Variants in DNAAF11 observed in about 807,000 individuals in gnomAD.
The protein encoded by DNAAF11 is dynein axonemal assembly factor 11, also known as leucine rich repeat containing 6.
In DNAAF11, 45 loss-of-function variants were observed where a neutral mutation model predicts 60.8. That is an observed-to-expected ratio of 0.74 (90% CI 0.58 to 0.95). DNAAF11 has a LOEUF of 0.95. DNAAF11 is among the 40% of genes least tolerant of loss of function. The probability of loss-of-function intolerance (pLI) is 0.00; values close to 1 mark genes in which losing one functional copy is unlikely to be tolerated. For missense variants in DNAAF11, 546 were observed against 546.2 expected, an observed-to-expected ratio of 1.00 and a Z score of 0.00; for synonymous variants, 191 against 183.5, an observed-to-expected ratio of 1.04 and a Z score of -0.33.
At chr8:132,577,402 T>C (rs1156267228) in intron 11 of DNAAF11, among the ~76,000 whole-genome samples, 1 of 152,240 alleles carries the variant, frequency 6.6e-6, no homozygotes, top group African/African-American at 2.4e-5. Flanking sequence ...ATTCTATTAC[T>C]CGTAGCCAAA....
chr8:132,614,450 G>T (rs1818954065), intron 8 of DNAAF11, among the ~76,000 whole-genome samples: 1 of 152,182 alleles, frequency 6.6e-6, no homozygotes, highest in African/African-American at 2.4e-5. Flanking sequence ...AGAGAAGAAG[G>T]GGATACAGGC....
chr8:132,622,166 G>T (rs2130261902), intron 7 of DNAAF11, among the ~76,000 whole-genome samples: 1 of 152,272 alleles, frequency 6.6e-6, no homozygotes, highest in South Asian at 2.1e-4. Context: ...TTCATTGAGG[G>T]TATTATATTG....
At chr8:132,640,900 A>G (rs925610739) in intron 3 of DNAAF11, among the ~76,000 whole-genome samples, 5 of 152,316 alleles carry the variant, frequency 3.3e-5, no homozygotes, top group Admixed American at 6.5e-5. Flanking sequence ...AGATAAGAAC[A>G]TTTTAAAACA....
At position 132,625,410 on chromosome 8, in the gene DNAAF11, T is replaced by C. The variant is rs775429174; in HGVS notation, c.698A>G (p.Glu233Gly). Residue 233 changes from glutamate (E) to glycine (G), a missense_variant, in exon 6 of 12, where the codon GAG becomes GGG. Physicochemically the swap from Glu to Gly is moderately conservative, Grantham distance 98. Transcript: ENST00000620350. ...SKDHLQAPDTEEHNTKKLDNS... is the reference protein window; with the variant it reads ...SKDHLQAPDTGEHNTKKLDNS... ...GTCTAATTTCTTTGTGTTGTGTTCC[T>C]CTGTGTCTGGTGCCTGTAGGTGGTC... 1.2e-6 allele frequency: 2 copies of C among 1,613,388 alleles called. No homozygotes were observed. The highest frequency in any genetic ancestry group is 2.7e-5 in the African/African-American group (2 of 75,024).
At chr8:132,675,432 G>C in intron 1 of DNAAF11, 52 bp downstream of exon 1, 1 of 1,545,076 alleles carries the variant, frequency 6.5e-7, no homozygotes, top group Non-Finnish European at 8.8e-7. Context: ...CGAGACCCGG[G>C]ACTACTTCCA....
chr8:132,617,306 CA>C (rs1819267459), intron 7 of DNAAF11, among the ~76,000 whole-genome samples: 1 of 151,942 alleles, frequency 6.6e-6, no homozygotes, highest in Non-Finnish European at 1.5e-5. Flanking sequence ...AAAACAAAAT[CA>C]AAAGGATCTG....
chr8:132,592,623 T>A (rs1208676028), intron 10 of DNAAF11, among the ~76,000 whole-genome samples: 1 of 152,158 alleles, frequency 6.6e-6, no homozygotes, highest in African/African-American at 2.4e-5. Flanking sequence ...ACTGGCACCA[T>A]AAAGTCTGCA....
At chr8:132,602,815 A>G (rs900932098) in intron 10 of DNAAF11, among the ~76,000 whole-genome samples, 5 of 151,710 alleles carry the variant, frequency 3.3e-5, no homozygotes, top group Admixed American at 6.6e-5. Context: ...TGTAATATAT[A>G]TAATTTGAGC....
intron 10 of DNAAF11, among the ~76,000 whole-genome samples, chr8:132,589,487 C>T (rs1201823058): frequency 6.6e-6 from 1 of 152,156 alleles, no homozygotes; most frequent in African/African-American, 2.4e-5. Flanking sequence ...GTGATGTTAA[C>T]AAAAATACTA....
At chr8:132,608,395 C>T (rs1391207152) in intron 10 of DNAAF11, 1 of 404,218 alleles carries the variant, frequency 2.5e-6, no homozygotes, top group Non-Finnish European at 5.0e-6. Flanking sequence ...CAATCAAGCA[C>T]TTCTAAAATG....
At chr8:132,609,770 T>A (rs1818471907) in intron 10 of DNAAF11, among the ~76,000 whole-genome samples, 1 of 152,154 alleles carries the variant, frequency 6.6e-6, no homozygotes, top group Admixed American at 6.5e-5. Context: ...TATTCCCCAC[T>A]TTCTCCTATC....
At chr8:132,683,479 T>C in the DNAAF11 span, among the ~76,000 whole-genome samples, 10 of 152,292 alleles carry the variant, frequency 6.6e-5, no homozygotes, top group African/African-American at 2.2e-4. Context: ...TATGGGCACC[T>C]GGAATAACAT....
intron 4 of DNAAF11, among the ~76,000 whole-genome samples, chr8:132,636,771 G>A (rs1821339828): frequency 2.0e-5 from 3 of 152,190 alleles, no homozygotes; most frequent in Admixed American, 2.0e-4. Context: ...TTTAGGTTAT[G>A]TATGAGACAA....
chr8:132,573,131 TATAG>T (rs1444740404), intron 11 of DNAAF11, among the ~76,000 whole-genome samples: 1 of 152,160 alleles, frequency 6.6e-6, no homozygotes, highest in East Asian at 1.9e-4. Context: ...TAGATATAGA[TATAG>T]ATATAGATGT....
At chr8:132,634,026 C>T (rs964560311) in intron 4 of DNAAF11, among the ~76,000 whole-genome samples, 4 of 150,412 alleles carry the variant, frequency 2.7e-5, no homozygotes, top group African/African-American at 4.9e-5. Flanking sequence ...GTTACAGCAG[C>T]AATAAGAAAC....
At chr8:132,645,530 A>G (rs1256095522) in intron 3 of DNAAF11, among the ~76,000 whole-genome samples, 4 of 152,142 alleles carry the variant, frequency 2.6e-5, no homozygotes, top group Non-Finnish European at 5.9e-5. Flanking sequence ...ATGATCGGTA[A>G]TAACAAAATT....
chr8:132,698,482 T>C, the DNAAF11 span, among the ~76,000 whole-genome samples: 1 of 152,184 alleles, frequency 6.6e-6, no homozygotes, highest in Non-Finnish European at 1.5e-5. Flanking sequence ...TTTGGTACTG[T>C]GAAATCATCA....
Position 132,637,990 on chromosome 8 carries a change from C to T in DNAAF11, c.374G>A (p.Cys125Tyr), listed in dbSNP as rs1323306308. 1 of 1,614,102 alleles carries T rather than the reference C, an allele frequency of 6.2e-7. No individual in the cohort carries two copies. The highest frequency in any genetic ancestry group is 1.3e-5 in the African/African-American group (1 of 75,050). ...LKELFLMGNP[C>Y]ASFDHYREFV... ...CTCCCTATAGTGGTCAAAGGAAGCA[C>T]ATGGGTTCCCCATGAGAAAGAGCTC... Residue 125 changes from cysteine (C) to tyrosine (Y), a missense_variant, in exon 4 of 12, where the codon TGT becomes TAT. Physicochemically the swap from Cys to Tyr is radical, Grantham distance 194. Coordinates refer to ENST00000620350, the MANE Select transcript of DNAAF11 (RefSeq NM_012472.6).
At chr8:132,663,891 G>C (rs970794572) in intron 1 of DNAAF11, among the ~76,000 whole-genome samples, 1 of 152,230 alleles carries the variant, frequency 6.6e-6, no homozygotes, top group Non-Finnish European at 1.5e-5. Flanking sequence ...GAGGTGGATG[G>C]CATGGATGTA....
Sources: allele counts gnomAD v4.1 joint callset (sites outside exome capture counted in the v4.1 genomes callset), GRCh38; gene constraint gnomAD v4.1.1; transcripts MANE v1.5; gene names NCBI Gene and HGNC (gene_info 2026-07-23, HGNC 2026-07-21).